The following LRRFIP2 variants were observed in gnomAD, a reference collection of about 807,000 sequenced individuals.
LRRFIP2 encodes leucine-rich repeat flightless-interacting protein 2.
In LRRFIP2, 109 loss-of-function variants were observed where a neutral mutation model predicts 125.9. The observed-to-expected ratio is 0.87, with a 90% confidence interval of 0.74 to 1.01. LRRFIP2 has a LOEUF of 1.01. Among genes scored for constraint, LRRFIP2 ranks in the 50% least tolerant of loss-of-function variants. The pLI is 0.00. For missense variants in LRRFIP2, 850 were observed against 862.3 expected (o/e 0.99, Z 0.18); for synonymous variants, 291 against 293.1 (o/e 0.99, Z 0.07).
At position 37,072,848 on chromosome 3, in the gene LRRFIP2, A is replaced by G. The variant is rs1559711967; in HGVS notation, c.1406T>C (p.Met469Thr). Residue 469 changes from methionine to threonine, a missense_variant, in exon 21 of 28, where the codon ATG (methionine) becomes ACG (threonine). Met to Thr is a moderately conservative substitution (Grantham distance 81). Transcript: ENST00000336686. The part of the protein sequence containing the change: ...KQRMQQKIDT[M>T]TKEVFDLQET... ...CTGGAGGTCAAACACCTCTTTTGTC[A>G]TGGTGTCTATTTTCTGCTGCATGCG... 3 of 1,613,056 alleles carry G rather than the reference A, an allele frequency of 1.9e-6. No individual in the cohort carries two copies. The South Asian group carries it at 3.3e-5, about 18-fold the overall frequency.
At chr3:37,061,204 C>T (rs1379250286) in intron 24 of LRRFIP2, among the ~76,000 whole-genome samples, 3 of 152,060 alleles carry the variant, frequency 2.0e-5, no homozygotes, top group African/African-American at 7.2e-5. Context: ...GCTGGCTGGG[C>T]GCGGTGGCTC....
chr3:37,158,635 GA>G (rs2096260731), intron 1 of LRRFIP2, among the ~76,000 whole-genome samples: 1 of 150,052 alleles, frequency 6.7e-6, no homozygotes, highest in Admixed American at 6.7e-5. Context: ...AAATAAAGCA[GA>G]AAACAGGAAA....
chr3:37,156,535 G>A (rs1044668402), intron 1 of LRRFIP2, among the ~76,000 whole-genome samples: 4 of 151,242 alleles, frequency 2.6e-5, no homozygotes, highest in South Asian at 2.1e-4. Flanking sequence ...TTAGCCGGGC[G>A]TGGTGGCAGG....
At chr3:37,165,622 G>T (rs2096461338) in intron 1 of LRRFIP2, among the ~76,000 whole-genome samples, 1 of 151,488 alleles carries the variant, frequency 6.6e-6, no homozygotes, top group Non-Finnish European at 1.5e-5. Flanking sequence ...CGTGGTGGCA[G>T]GTGCCTGTAA....
chr3:37,057,742 T>G (rs181882351), intron 25 of LRRFIP2, among the ~76,000 whole-genome samples: 1 of 152,256 alleles, frequency 6.6e-6, no homozygotes, highest in Admixed American at 6.5e-5. Context: ...GATTTTAATA[T>G]TAGTTATCAG....
intron 13 of LRRFIP2, among the ~76,000 whole-genome samples, chr3:37,107,758 T>G (rs17035956): frequency 6.6e-6 from 1 of 152,160 alleles, no homozygotes; most frequent in African/African-American, 2.4e-5. Context: ...AAACACAGGA[T>G]AGTCAACCTA....
intron 21 of LRRFIP2, among the ~76,000 whole-genome samples, chr3:37,071,756 C>T (rs943437150): frequency 5.9e-5 from 9 of 152,152 alleles, no homozygotes; most frequent in African/African-American, 2.2e-4. Flanking sequence ...GTTCTATTTC[C>T]TCTGCCCTTC....
chr3:37,084,730 A>T (rs2092916105), intron 18 of LRRFIP2, among the ~76,000 whole-genome samples: 1 of 152,122 alleles, frequency 6.6e-6, no homozygotes, highest in Non-Finnish European at 1.5e-5. Flanking sequence ...GTAAAAAAAA[A>T]AGGTACCACA....
intron 2 of LRRFIP2, among the ~76,000 whole-genome samples, chr3:37,148,420 C>T (rs1285126769): frequency 2.0e-5 from 3 of 152,304 alleles, no homozygotes; most frequent in East Asian, 1.9e-4. Flanking sequence ...CTGCTATAAC[C>T]TTAAGATCAG....
chr3:37,139,038 C>A (rs2095627170), intron 2 of LRRFIP2, among the ~76,000 whole-genome samples: 1 of 152,208 alleles, frequency 6.6e-6, no homozygotes, highest in African/African-American at 2.4e-5. Context: ...GTGAGACTAT[C>A]TAGCAGGTAG....
chr3:37,094,918 G>A lies in LRRFIP2; in HGVS notation c.919-10C>T. The stretch of plus-strand genomic sequence containing the variant: ...AATTTCGAGATGAAGGCTAGAAAGA[G>A]AAATATGACCCTTCTAAGTCTCATT... On this transcript the variant is annotated splice_polypyrimidine_tract_variant and intron_variant, in intron 16 of 27. Transcript: ENST00000336686. 6.8e-7 allele frequency: 1 copy of A among 1,464,640 alleles called. No individual in the cohort carries two copies. Among genetic ancestry groups the A allele is most frequent in the Non-Finnish European group, 9.6e-7 (1 of 1,043,824 alleles). 90.7% of individuals were successfully genotyped at this position (1,464,640 alleles called of 1,614,324 possible).
In LRRFIP2 at chr3:37,105,448, T is replaced by A. The variant is rs1264136148; in HGVS notation, c.783+7A>T. 29 of 1,612,638 alleles carry A rather than the reference T, an allele frequency of 1.8e-5. No homozygotes were observed. The highest frequency in any genetic ancestry group is 8.8e-5 in the South Asian group (8 of 91,054). ...ATCTTATTTCTTTGCATGCAAATCA[T>A]GCTCACCACACTCTCCCTTCGTCCA... On this transcript the variant is annotated splice_region_variant and intron_variant, in intron 14 of 27. Coordinates refer to ENST00000336686, the MANE Select transcript of LRRFIP2 (RefSeq NM_006309.4).
intron 4 of LRRFIP2, 39 bp from the exon 5 acceptor site, chr3:37,121,730 A>G (rs960067082): frequency 6.3e-7 from 1 of 1,592,480 alleles, no homozygotes; most frequent in Non-Finnish European, 8.6e-7. Flanking sequence ...TAATCACTGA[A>G]TAGACAGTTG....
intron 19 of LRRFIP2, among the ~76,000 whole-genome samples, chr3:37,078,737 G>A (rs1039186775): frequency 6.6e-6 from 1 of 152,158 alleles, no homozygotes; most frequent in Admixed American, 6.5e-5. Context: ...AGGGCTCCTT[G>A]GACAAATGGC....
Position 37,108,093 on chromosome 3 carries a change from A to G in LRRFIP2, c.694T>C (p.Ser232Pro). Residue 232 changes from serine to proline, a missense_variant, in exon 13 of 28, where the codon TCA becomes CCA. Coordinates refer to ENST00000336686, the MANE Select transcript of LRRFIP2 (RefSeq NM_006309.4). ...ECSYYSSRIS[S>P]ARSSPGFTND... ...CTCACCCCTGGACTGCTTCGGGCTG[A>G]ACTTATTCTTGATGAATAATAACTG... 6.2e-7 allele frequency: 1 copy of G among 1,614,044 alleles called. No individual in the cohort carries two copies. Among genetic ancestry groups the G allele is most frequent in the Non-Finnish European group, 8.5e-7 (1 of 1,179,920 alleles).
At chr3:37,065,500 CACAGGTATACTAGACTATCTCTTTGCAGA>C in intron 23 of LRRFIP2, 2 of 502,230 alleles carry the variant, frequency 4.0e-6, no homozygotes, top group Admixed American at 4.6e-5. Flanking sequence ...GCTCCCCTAG[CACAGGTATACTAGACTATCTCTTTGCAGA>C]ACAGTTTGTA....
intron 2 of LRRFIP2, chr3:37,140,327 G>C (rs2095660684): frequency 6.6e-6 from 1 of 152,218 alleles, no homozygotes; most frequent in African/African-American, 2.4e-5. Context: ...AATTGAAGCT[G>C]TGCTCGCTAT....
At chr3:37,134,179 C>T (rs1469195090) in intron 2 of LRRFIP2, among the ~76,000 whole-genome samples, 2 of 117,322 alleles carry the variant, frequency 1.7e-5, no homozygotes, top group Non-Finnish European at 3.9e-5. Flanking sequence ...AAGACTCTGT[C>T]TCAAAAAAAA....
intron 13 of LRRFIP2, among the ~76,000 whole-genome samples, chr3:37,106,472 A>G (rs1248953152): frequency 6.6e-6 from 1 of 152,160 alleles, no homozygotes; most frequent in Non-Finnish European, 1.5e-5. Context: ...CTGCAAATGA[A>G]ATACGATCTA....
Sources: allele counts gnomAD v4.1 joint callset (sites outside exome capture counted in the v4.1 genomes callset), GRCh38; gene constraint gnomAD v4.1.1; transcripts MANE v1.5; gene names NCBI Gene and HGNC (gene_info 2026-07-23, HGNC 2026-07-21).